IFT122: variants seen among roughly 807,000 people sequenced by gnomAD.
The protein encoded by IFT122 is intraflagellar transport 122.
Under a neutral mutation model 161.6 loss-of-function variants are expected in IFT122, and 118 were observed. The observed-to-expected ratio is 0.73, with a 90% CI of 0.63 to 0.85. The LOEUF is 0.85. Ranked by LOEUF, IFT122 falls within the 40% of genes least tolerant of loss-of-function variation. The pLI is 0.00. For synonymous variants in IFT122, 550 were observed against 602.4 expected, an observed-to-expected ratio of 0.91 and a Z score of 1.27; for missense variants, 1,381 against 1,579.6, an observed-to-expected ratio of 0.87 and a Z score of 2.13.
chr3:129,440,407 C>G, intron 1 of IFT122, 36 bp downstream of exon 1: 1 of 1,548,544 alleles, frequency 6.5e-7, no homozygotes, highest in African/African-American at 1.4e-5. Context: ...AGCAGGAGGT[C>G]GAGTCCTCGC....
At chr3:129,472,736 C>G (rs2077494594) in intron 9 of IFT122, among the ~76,000 whole-genome samples, 1 of 152,134 alleles carries the variant, frequency 6.6e-6, no homozygotes, top group South Asian at 2.1e-4. Context: ...TTACTGTTCT[C>G]CAAGTCATCG....
At chr3:129,498,253 C>T (rs1451953299) in intron 18 of IFT122, among the ~76,000 whole-genome samples, 2 of 152,340 alleles carry the variant, frequency 1.3e-5, no homozygotes, top group East Asian at 3.9e-4. Context: ...CTCACCCTTG[C>T]CGTGGTCACC....
chr3:129,495,545 A>C lies in IFT122; in HGVS notation c.2146A>C (p.Ser716Arg). ...FHEAAKLYKR[S>R]GHENLALEMY... ...TGAGGCCGCCAAACTGTACAAGAGG[A>C]GTGGGCACGAGAACCTCGCGCTTGA... The change falls in exon 18 of 30, where the codon AGT becomes CGT. Residue 716 changes from serine (S) to arginine (R), a missense_variant. By Grantham distance (110) the Ser-to-Arg change is moderately radical (BLOSUM62 -1). Coordinates refer to ENST00000348417, the MANE Select transcript of IFT122 (RefSeq NM_052989.3). 6.2e-7 allele frequency: 1 copy of C among 1,614,132 alleles called. No individual in the cohort carries two copies. The highest frequency in any genetic ancestry group is 8.5e-7 in the Non-Finnish European group (1 of 1,180,032).
chr3:129,454,971 ACCCAGGTT>A (rs1242628845), intron 3 of IFT122, among the ~76,000 whole-genome samples: 1 of 152,158 alleles, frequency 6.6e-6, no homozygotes, highest in Non-Finnish European at 1.5e-5. Flanking sequence ...GGCAGGCCTA[ACCCAGGTT>A]CTCTGACTGC....
rs2076404595 is a variant in IFT122, at chr3:129,463,576, A to G, written c.366A>G (p.Glu122=). ...SSSDFGLWSP[E]QKSVSKHKSS... The stretch of plus-strand genomic sequence containing the variant: ...GCATTGAAGGGTTGTGGTCTCCTGA[A>G]CAGAAGTCTGTCTCCAAACACAAAT... The change falls in exon 6 of 30, where the codon GAA becomes GAG. Residue 122 remains glutamate, a synonymous_variant. Transcript: ENST00000348417. 1 of 1,613,892 alleles carries G rather than the reference A, an allele frequency of 6.2e-7. No homozygotes were observed. Among genetic ancestry groups the G allele is most frequent in the East Asian group, 2.2e-5 (1 of 44,864 alleles).
Position 129,464,744 on chromosome 3 carries a change from C to T in IFT122, c.526C>T (p.Leu176Phe), listed in dbSNP as rs746968735. ...KVKIERPGGSLSPIWSICWNP... is the reference protein window; with the variant it reads ...KVKIERPGGSFSPIWSICWNP... ...AAAGATCGAGCGGCCGGGGGGCTCC[C>T]TCTCGCCAATATGGTCCATCTGCTG... Residue 176 changes from leucine (L) to phenylalanine (F), a missense_variant, in exon 7 of 30, where the codon CTC becomes TTC. Transcript: ENST00000348417. 3 of 1,614,006 alleles carry T rather than the reference C, an allele frequency of 1.9e-6. No individual in the cohort carries two copies. Among genetic ancestry groups the T allele is most frequent in the East Asian group, 2.2e-5 (1 of 44,888 alleles).
intron 14 of IFT122, among the ~76,000 whole-genome samples, 195 bp from the exon 15 acceptor site, chr3:129,483,290 A>T (rs1202209624): frequency 1.3e-5 from 2 of 152,138 alleles, no homozygotes; most frequent in Admixed American, 1.3e-4. Context: ...ACGCAGGTGC[A>T]TGGAGGGGCT....
intron 16 of IFT122, 149 bp from the exon 17 acceptor site, chr3:129,491,992 C>T: frequency 1.3e-6 from 1 of 752,096 alleles, no homozygotes; most frequent in Admixed American, 1.7e-5. Flanking sequence ...GTATAACCTC[C>T]TGCACGCACG....
Position 129,481,598 on chromosome 3 carries a change from C to T in IFT122, c.1557C>T (p.Cys519=). The change falls in exon 14 of 30, where the codon TGC becomes TGT. Residue 519 remains cysteine (C), a synonymous_variant. Coordinates refer to ENST00000348417, the MANE Select transcript of IFT122 (RefSeq NM_052989.3). The part of the protein sequence containing the change: ...VLLKQATAVR[C]LDMSASRKKL... The stretch of plus-strand genomic sequence containing the variant: ...TGAAGCAGGCCACAGCTGTGCGCTG[C>T]TTGGACATGAGTGCCTCCCGTAAGA... The T allele has an allele frequency of 2.5e-6, 4 of 1,590,018 alleles. No homozygotes were observed. The highest frequency in any genetic ancestry group is 3.5e-6 in the Non-Finnish European group (4 of 1,158,030).
chr3:129,492,119 A>G (rs1335741509), intron 16 of IFT122, 22 bp from the exon 17 acceptor site: 3 of 1,597,064 alleles, frequency 1.9e-6, no homozygotes, highest in South Asian at 1.1e-5. Flanking sequence ...AGCTTATTTT[A>G]TTCTTTATTT....
rs1361444583 is a variant in IFT122 at position 129,514,465 on chromosome 3, C to G, written c.3064C>G (p.Leu1022Val). The change falls in exon 25 of 30, where the codon CTG becomes GTG. Residue 1022 changes from leucine to valine, a missense_variant. Around this residue, in one of 7 missense-constraint regions of IFT122, gnomAD observed 496 missense variants for 502.5 expected, o/e 0.99. Coordinates refer to ENST00000348417, the MANE Select transcript of IFT122 (RefSeq NM_052989.3). The part of the protein sequence containing the change: ...YRLARHAYDK[L>V]RGLYIPARFQ... The stretch of plus-strand genomic sequence containing the variant: ...GCTGGCCCGGCACGCCTATGACAAG[C>G]TGCGTGGCCTGTACATCCCTGCCAG... The G allele has an allele frequency of 6.2e-6, 10 of 1,614,090 alleles. No homozygotes were observed. Among genetic ancestry groups the G allele is most frequent in the Non-Finnish European group, 8.5e-6 (10 of 1,180,044 alleles).
intron 4 of IFT122, chr3:129,460,736 G>C: frequency 1.2e-6 from 1 of 812,676 alleles, no homozygotes; most frequent in South Asian, 1.4e-5. Flanking sequence ...GAATGAATGA[G>C]TGAAGTTGTA....
chr3:129,485,225 A>T (rs967271401), intron 15 of IFT122, among the ~76,000 whole-genome samples: 4 of 152,178 alleles, frequency 2.6e-5, no homozygotes, highest in African/African-American at 9.7e-5. Flanking sequence ...TGCTGGGTCA[A>T]AGCACGTGTA....
intron 16 of IFT122, among the ~76,000 whole-genome samples, chr3:129,489,573 T>G (rs1035053501): frequency 2.0e-5 from 3 of 151,982 alleles, no homozygotes; most frequent in African/African-American, 7.3e-5. Flanking sequence ...GCGCGGTGGC[T>G]CACGCCTGTA....
At position 129,487,989 on chromosome 3, in the gene IFT122, G is replaced by A. The variant is rs1330139392; in HGVS notation, c.1852-268G>A. 14 of 530,540 alleles carry A rather than the reference G, an allele frequency of 2.6e-5. No individual in the cohort carries two copies. The Admixed American group carries it at 4.3e-4, about 16-fold the overall frequency. 32.9% of individuals were successfully genotyped at this position (530,540 alleles called of 1,614,324 possible). On this transcript the variant is annotated intron_variant, in intron 15 of 29. Transcript: ENST00000348417. ...ATTCCAGGTGAGGGTGACATCCTAT[G>A]GCGAGGCAGGCCTGTAGGTGGGAAG...
intron 1 of IFT122, among the ~76,000 whole-genome samples, chr3:129,445,436 C>T (rs984019493): frequency 1.1e-4 from 16 of 152,136 alleles, no homozygotes; most frequent in Admixed American, 3.9e-4. Context: ...TTCTCTGTAC[C>T]ATAGTTTTCT....
Position 129,502,815 on chromosome 3 carries a change from C to T in IFT122, c.2480C>T (p.Thr827Ile), listed in dbSNP as rs747336013. Residue 827 changes from threonine to isoleucine, a missense_variant, in exon 20 of 30, where the codon ACC becomes ATC. By Grantham distance (89) the Thr-to-Ile change is moderately conservative. Coordinates refer to ENST00000348417, the MANE Select transcript of IFT122 (RefSeq NM_052989.3). The part of the protein sequence containing the change: ...KLDSPGYAAE[T>I]YLKMGDLKSL... ...GACAGCCCTGGCTATGCTGCTGAGACCTACCTGAAGATGGGTGACCTCAAG... is the reference window on the plus strand; with the variant it reads ...GACAGCCCTGGCTATGCTGCTGAGATCTACCTGAAGATGGGTGACCTCAAG... 5 of 1,613,176 alleles carry T rather than the reference C, an allele frequency of 3.1e-6. No individual in the cohort carries two copies. In the African/African-American group the frequency reaches 6.7e-5, roughly 22 times the overall value.
In IFT122 at chr3:129,451,967, C is replaced by T. The variant is rs1035760825; in HGVS notation, c.162C>T (p.Asp54=). ...TTCAGCCCCTCAAGGGACACAAAGA[C>T]ACTGTGTACTGTGTGGCATATGCGA... ...TLLQPLKGHK[D]TVYCVAYAKD... The change falls in exon 3 of 30, where the codon GAC becomes GAT. Residue 54 remains aspartate, a synonymous_variant. Transcript: ENST00000348417. 8 of 1,614,048 alleles carry T rather than the reference C, an allele frequency of 5.0e-6. No individual in the cohort carries two copies. Among genetic ancestry groups the T allele is most frequent in the Middle Eastern group, 3.3e-4 (2 of 6,062 alleles).
chr3:129,511,555 T>C (rs2082829043), intron 23 of IFT122, among the ~76,000 whole-genome samples: 1 of 152,240 alleles, frequency 6.6e-6, no homozygotes, highest in African/African-American at 2.4e-5. Context: ...TCTCAGTTTA[T>C]ATACAGTGTG....
Sources: allele counts gnomAD v4.1 joint callset (sites outside exome capture counted in the v4.1 genomes callset), GRCh38; gene constraint gnomAD v4.1.1; regional missense constraint gnomAD v4.1.1; transcripts MANE v1.5; gene names NCBI Gene and HGNC (gene_info 2026-07-23, HGNC 2026-07-21).